The following PRKG1 variants were observed in gnomAD, a reference collection of about 807,000 sequenced individuals.
PRKG1 encodes the protein cGMP-dependent protein kinase 1.
In PRKG1, 35 loss-of-function variants were observed where a neutral mutation model predicts 88.1. That is an observed-to-expected ratio of 0.40 (90% CI 0.30 to 0.53). PRKG1 has a LOEUF of 0.53. Ranked by LOEUF, PRKG1 falls within the 20% of genes least tolerant of loss-of-function variation. PRKG1 has a pLI of 0.59. For synonymous variants in PRKG1, 303 were observed against 292.5 expected (o/e 1.04, Z -0.37); for missense variants, 540 against 839.8 (o/e 0.64, Z 4.41).
chr10:51,099,053 C>T (rs1171524629), intron 1 of PRKG1, among the ~76,000 whole-genome samples: 1 of 152,162 alleles, frequency 6.6e-6, no homozygotes, highest in Admixed American at 6.5e-5. Flanking sequence ...GTCTATAGAA[C>T]ATTGCCTGAA....
At chr10:51,751,718 C>T (rs1275080510) in intron 3 of PRKG1, among the ~76,000 whole-genome samples, 5 of 152,120 alleles carry the variant, frequency 3.3e-5, no homozygotes, top group African/African-American at 1.2e-4. Flanking sequence ...GAAACCTATG[C>T]TTTCCTTCAT....
intron 2 of PRKG1, among the ~76,000 whole-genome samples, chr10:51,330,159 T>TA (rs1417421639): frequency 1.6e-4 from 22 of 139,858 alleles, no homozygotes; most frequent in Admixed American, 2.8e-4. Flanking sequence ...TTTATTTATT[T>TA]TTTTTTTTTG....
rs1469168828 is a variant in PRKG1 at position 52,271,559 on chromosome 10, A to T, written c.1313+70A>T. 1.0e-5 allele frequency: 16 copies of T among 1,528,476 alleles called. No homozygotes were observed. The East Asian group carries it at 3.6e-4, about 35-fold the overall frequency. The allele number at this position is 1,528,476 out of a possible 1,614,324, so 94.7% of individuals were successfully genotyped here. ...CAAATCCACCACAAAACCCTCTGCCACTTGTGCTCACTGTTAACACATTTC... is the reference window on the plus strand; with the variant it reads ...CAAATCCACCACAAAACCCTCTGCCTCTTGTGCTCACTGTTAACACATTTC... On this transcript the variant is annotated intron_variant, in intron 11 of 17. Transcript: ENST00000373980.
At chr10:51,616,150 C>A (rs575853301) in intron 3 of PRKG1, among the ~76,000 whole-genome samples, 1 of 152,184 alleles carries the variant, frequency 6.6e-6, no homozygotes, top group Admixed American at 6.5e-5. Flanking sequence ...TAAGGTTTTG[C>A]GGGGGACTTG....
chr10:52,290,123 T>C (rs1842207434), intron 16 of PRKG1, 101 bp from the exon 17 acceptor site: 1 of 836,410 alleles, frequency 1.2e-6, no homozygotes, highest in East Asian at 2.6e-5. Flanking sequence ...ATGAAAATGT[T>C]TGCCTAACTG....
upstream of PRKG1, among the ~76,000 whole-genome samples, chr10:51,070,716 A>T (rs1308289447): frequency 2.6e-5 from 4 of 152,198 alleles, no homozygotes; most frequent in African/African-American, 9.6e-5. Context: ...CTGAGAATCC[A>T]TTAAGGAAGG....
At chr10:51,917,890 T>C (rs1371604715) in intron 5 of PRKG1, among the ~76,000 whole-genome samples, 3 of 152,216 alleles carry the variant, frequency 2.0e-5, no homozygotes, top group South Asian at 2.1e-4. Flanking sequence ...CAAATGCTTG[T>C]TCATTGCTTT....
At chr10:52,188,250 G>GTGTATATATATATA (rs1414941991) in intron 9 of PRKG1, among the ~76,000 whole-genome samples, 4 of 46,848 alleles carry the variant, frequency 8.5e-5, no homozygotes, top group African/African-American at 1.7e-4. Flanking sequence ...ACATATATAT[G>GTGTATATATATATA]TGTATATATA....
chr10:51,348,225 C>T (rs937584047), intron 2 of PRKG1, among the ~76,000 whole-genome samples: 1 of 152,150 alleles, frequency 6.6e-6, no homozygotes, highest in African/African-American at 2.4e-5. Context: ...CAAGTTTACT[C>T]TGTACCTTAC....
chr10:51,030,536 T>G (rs113509475), intron 1 of PRKG1, among the ~76,000 whole-genome samples: 1 of 152,160 alleles, frequency 6.6e-6, no homozygotes, highest in Non-Finnish European at 1.5e-5. Flanking sequence ...TTTGCAAAAT[T>G]TTCAGATGGA....
intron 3 of PRKG1, among the ~76,000 whole-genome samples, chr10:51,522,402 G>A (rs1233655555): frequency 1.4e-4 from 21 of 152,180 alleles, no homozygotes; most frequent in Non-Finnish European, 2.9e-4. Flanking sequence ...GATTGAAGAC[G>A]TTGCTTGGTA....
At chr10:51,628,022 CTTT>C (rs1839406835) in intron 3 of PRKG1, among the ~76,000 whole-genome samples, 1 of 121,778 alleles carries the variant, frequency 8.2e-6, no homozygotes. Context: ...TTCTTTCTTT[CTTT>C]CTTTCTTTCT....
At chr10:51,184,719 A>T (rs933380137) in intron 2 of PRKG1, among the ~76,000 whole-genome samples, 1 of 152,164 alleles carries the variant, frequency 6.6e-6, no homozygotes, top group Admixed American at 6.6e-5. Flanking sequence ...ATCTAATCTA[A>T]TTAGGCAATA....
At chr10:51,797,736 C>A (rs1302555234) in intron 3 of PRKG1, among the ~76,000 whole-genome samples, 1 of 151,376 alleles carries the variant, frequency 6.6e-6, no homozygotes, top group African/African-American at 2.4e-5. Flanking sequence ...CATCACTATT[C>A]ATCTTCATAA....
intron 1 of PRKG1, among the ~76,000 whole-genome samples, chr10:51,110,508 C>A (rs774324547): frequency 4.3e-4 from 66 of 151,988 alleles, no homozygotes; most frequent in Non-Finnish European, 7.8e-4. Context: ...GGTGACAGAA[C>A]AAACCGGTGG....
chr10:51,517,755 C>G (rs772705317), intron 3 of PRKG1, among the ~76,000 whole-genome samples: 1 of 152,156 alleles, frequency 6.6e-6, no homozygotes, highest in African/African-American at 2.4e-5. Context: ...TATGGGAACA[C>G]TGAAAAAGTT....
chr10:51,391,301 A>T (rs867366493), intron 2 of PRKG1, among the ~76,000 whole-genome samples: 2 of 152,228 alleles, frequency 1.3e-5, no homozygotes, highest in Non-Finnish European at 2.9e-5. Flanking sequence ...AAGAATTCAC[A>T]TATTGTGTAA....
At chr10:51,526,867 A>G (rs1841897818) in intron 3 of PRKG1, among the ~76,000 whole-genome samples, 1 of 152,058 alleles carries the variant, frequency 6.6e-6, no homozygotes, top group South Asian at 2.1e-4. Context: ...TTATTACCAT[A>G]TTGCCCTTGT....
At chr10:51,013,666 A>G (rs1432042704) in intron 1 of PRKG1, among the ~76,000 whole-genome samples, 1 of 151,684 alleles carries the variant, frequency 6.6e-6, no homozygotes, top group Non-Finnish European at 1.5e-5. Flanking sequence ...CTGGGATTAC[A>G]GGTGTGAGCC....
Sources: allele counts gnomAD v4.1 joint callset (sites outside exome capture counted in the v4.1 genomes callset), GRCh38; gene constraint gnomAD v4.1.1; transcripts MANE v1.5; gene names NCBI Gene and HGNC (gene_info 2026-07-23, HGNC 2026-07-21).